The following UQCC1 variants were observed in gnomAD, a reference collection of about 807,000 sequenced individuals.
UQCC1 encodes the protein bFGF-repressed Zic-binding protein.
UQCC1 carries 38 observed loss-of-function variants against 48.0 expected under a neutral mutation model. The ratio of observed to expected loss-of-function variants is 0.79; its 90% CI spans 0.61 to 1.04. UQCC1 has a LOEUF of 1.04. Ranked by LOEUF, UQCC1 falls within the 50% of genes least tolerant of loss-of-function variation. The pLI is 0.00. For synonymous variants in UQCC1, 111 were observed against 129.2 expected (o/e 0.86, Z 0.95); for missense variants, 368 against 381.8 (o/e 0.96, Z 0.30).
chr20:35,374,398 A>C (rs1462459783), intron 4 of UQCC1, 142 bp from the exon 5 acceptor site: 2 of 513,954 alleles, frequency 3.9e-6, no homozygotes, highest in East Asian at 6.8e-5. Flanking sequence ...AACCAATATA[A>C]ATTTTTTTTG....
At chr20:35,348,757 G>C (rs545842259) in intron 6 of UQCC1, among the ~76,000 whole-genome samples, 1 of 152,192 alleles carries the variant, frequency 6.6e-6, no homozygotes, top group East Asian at 1.9e-4. Flanking sequence ...GGGCTTAAGG[G>C]AGCCTCCTGC....
chr20:35,411,398 C>A (rs1416092613), intron 1 of UQCC1, among the ~76,000 whole-genome samples: 1 of 152,084 alleles, frequency 6.6e-6, no homozygotes, highest in Non-Finnish European at 1.5e-5. Context: ...ACAGACATGA[C>A]TCCAATTCTC....
intron 9 of UQCC1, among the ~76,000 whole-genome samples, chr20:35,304,849 G>A (rs750621944): frequency 7.3e-4 from 111 of 152,196 alleles, no homozygotes; most frequent in South Asian, 8.3e-4. Flanking sequence ...AGCTGCTGAC[G>A]CTTGAACTCA....
Position 35,394,126 on chromosome 20 carries a change from C to T in UQCC1, c.95G>A (p.Gly32Glu). The change falls in exon 2 of 10, where the codon GGA (glycine) becomes GAA (glutamate). Residue 32 changes from glycine to glutamate, a missense_variant. Coordinates refer to ENST00000374385, the MANE Select transcript of UQCC1 (RefSeq NM_018244.5). Reference sequence around the variant, plus strand: ...GCGAGACAGAGCCCTGTCCCCCTGTCCTTGGGTAGGAGACACAGGTATCAA... The same window carrying T: ...GCGAGACAGAGCCCTGTCCCCCTGTTCTTGGGTAGGAGACACAGGTATCAA... ...SRLIPVSPTQGQGDRALSRTS... is the reference protein window; with the variant it reads ...SRLIPVSPTQEQGDRALSRTS... The T allele has an allele frequency of 2.5e-6, 4 of 1,614,028 alleles. No individual in the cohort carries two copies. Among genetic ancestry groups the T allele is most frequent in the Non-Finnish European group, 3.4e-6 (4 of 1,179,960 alleles).
intron 2 of UQCC1, among the ~76,000 whole-genome samples, chr20:35,387,930 C>T (rs374780390): frequency 1.3e-5 from 2 of 151,944 alleles, no homozygotes; most frequent in African/African-American, 4.8e-5. Context: ...TACCTACCTA[C>T]ATGCTTGGTG....
intron 8 of UQCC1, among the ~76,000 whole-genome samples, chr20:35,307,724 T>C (rs570401800): frequency 9.2e-5 from 14 of 152,314 alleles, no homozygotes; most frequent in African/African-American, 2.9e-4. Flanking sequence ...GTCTCAATCT[T>C]CTACTTCTTC....
At chr20:35,366,231 G>A (rs1008204344) in intron 6 of UQCC1, among the ~76,000 whole-genome samples, 3 of 152,108 alleles carry the variant, frequency 2.0e-5, no homozygotes, top group Non-Finnish European at 4.4e-5. Flanking sequence ...CCACTTTTAC[G>A]TAAATGTGAA....
In UQCC1 at chr20:35,379,717, A is replaced by G. The variant is rs1019979601; in HGVS notation, c.333+2201T>C. Among the ~76,000 whole-genome samples the G allele has an allele frequency of 5.9e-5, 9 of 152,112 alleles. 1 individual carries two copies. The highest frequency in any genetic ancestry group is 3.2e-3 in the Middle Eastern group (1 of 316). On this transcript the variant is annotated intron_variant, in intron 4 of 9. Transcript: ENST00000374385. ...GCTACTTAGGAGGCTGAGGCAGGAAAATTGCTTGAACCTGGGAGGCGGAGG... is the reference window on the plus strand; with the variant it reads ...GCTACTTAGGAGGCTGAGGCAGGAAGATTGCTTGAACCTGGGAGGCGGAGG...
At position 35,347,179 on chromosome 20, in the gene UQCC1, G is replaced by T; in HGVS notation, c.558C>A (p.Arg186=). Residue 186 remains arginine (R), a synonymous_variant, in exon 7 of 10, where the codon CGC becomes CGA. Transcript: ENST00000374385. ...ACTCACTTACCCCCATGACTCTGCC[G>T]CGCTGCTGAACATCCTCCCACATAA... The part of the protein sequence containing the change: ...VHFMWEDVQQ[R]GRVMGVNPYI... The T allele has an allele frequency of 6.2e-7, 1 of 1,614,118 alleles. No homozygotes were observed. Among genetic ancestry groups the T allele is most frequent in the Non-Finnish European group, 8.5e-7 (1 of 1,180,014 alleles).
intron 6 of UQCC1, among the ~76,000 whole-genome samples, chr20:35,365,804 T>C (rs1462940195): frequency 6.6e-6 from 1 of 152,174 alleles, no homozygotes; most frequent in East Asian, 1.9e-4. Flanking sequence ...ATGCAAAGGT[T>C]CAGCTGAAGG....
intron 6 of UQCC1, among the ~76,000 whole-genome samples, chr20:35,363,769 C>A (rs893794353): frequency 6.6e-5 from 10 of 152,172 alleles, no homozygotes; most frequent in African/African-American, 2.4e-4. Context: ...TCCCCCACCC[C>A]ACACTACCAC....
At chr20:35,342,883 A>G (rs935867980) in intron 7 of UQCC1, among the ~76,000 whole-genome samples, 2 of 152,210 alleles carry the variant, frequency 1.3e-5, no homozygotes, top group Non-Finnish European at 2.9e-5. Flanking sequence ...CAGCTTCACG[A>G]TGATATATGA....
intron 4 of UQCC1, among the ~76,000 whole-genome samples, chr20:35,380,388 T>C (rs967214613): frequency 6.6e-6 from 1 of 152,232 alleles, no homozygotes; most frequent in Non-Finnish European, 1.5e-5. Flanking sequence ...TTGTGTTCTT[T>C]CTATATTTTT....
intron 7 of UQCC1, among the ~76,000 whole-genome samples, chr20:35,331,400 T>TA (rs769097691): frequency 0.012 from 1,639 of 134,402 alleles, 15 homozygotes; most frequent in African/African-American, 0.02. Flanking sequence ...GACAGTTATT[T>TA]AAAAAAAAAA....
At chr20:35,341,218 C>CAAAAAAAAAAA (rs61675932) in intron 7 of UQCC1, among the ~76,000 whole-genome samples, 1 of 115,842 alleles carries the variant, frequency 8.6e-6, no homozygotes, top group African/African-American at 3.5e-5. Context: ...GAGACTCCGT[C>CAAAAAAAAAAA]AAAAAAAAAA....
At position 35,303,812 on chromosome 20, in the gene UQCC1, A is replaced by G. The variant is rs1258773922; in HGVS notation, c.*123T>C. 23 of 1,333,534 alleles carry G rather than the reference A, an allele frequency of 1.7e-5. No individual in the cohort carries two copies. Among genetic ancestry groups the G allele is most frequent in the Non-Finnish European group, 2.3e-5 (22 of 949,110 alleles). The allele number at this position is 1,333,534 out of a possible 1,614,324, so 82.6% of individuals were successfully genotyped here. A position where few individuals can be genotyped will look rare whatever the true frequency, so the allele number is the denominator to read the frequency against. ...AAACTCAACACAAATGGGGCCAGGTATTTGACAGATGCTGTTCAGAGGTCA... is the reference window on the plus strand; with the variant it reads ...AAACTCAACACAAATGGGGCCAGGTGTTTGACAGATGCTGTTCAGAGGTCA... On this transcript the variant is annotated 3_prime_UTR_variant, in exon 10 of 10. Transcript: ENST00000374385.
intron 2 of UQCC1, among the ~76,000 whole-genome samples, chr20:35,388,288 T>C (rs2061970656): frequency 1.8e-4 from 1 of 5,462 alleles, no homozygotes; most frequent in Non-Finnish European, 3.4e-4. Context: ...GCCCCTTCTA[T>C]TTCTTTTTTT....
At position 35,347,085 on chromosome 20, in the gene UQCC1, AT is replaced by A. The variant is rs539427800; in HGVS notation, c.573+78del. The A allele has an allele frequency of 1.5e-4, 245 of 1,614,132 alleles. No individual in the cohort carries two copies. In the African/African-American group the frequency reaches 2.8e-3, roughly 18 times the overall value. ...TTCACAGAAATCTAAAAGCAGGGCCATTTTACAACAGATAAAACTCCAAACT... is the reference window on the plus strand; with the variant it reads ...TTCACAGAAATCTAAAAGCAGGGCCATTTACAACAGATAAAACTCCAAACT... On this transcript the variant is annotated intron_variant, in intron 7 of 9. Transcript: ENST00000374385.
chr20:35,359,810 T>C (rs2061586380), intron 6 of UQCC1, among the ~76,000 whole-genome samples: 1 of 152,104 alleles, frequency 6.6e-6, no homozygotes, highest in African/African-American at 2.4e-5. Flanking sequence ...GCCCCAGCAG[T>C]GTGCTAATGA....
Sources: allele counts gnomAD v4.1 joint callset (sites outside exome capture counted in the v4.1 genomes callset), GRCh38; gene constraint gnomAD v4.1.1; transcripts MANE v1.5; gene names NCBI Gene and HGNC (gene_info 2026-07-23, HGNC 2026-07-21).